The following LRP1B variants were observed in gnomAD, a reference collection of about 807,000 sequenced individuals.
LRP1B encodes LDL receptor related protein 1B.
In LRP1B, 217 loss-of-function variants were observed where a neutral mutation model predicts 556.6. The ratio of observed to expected loss-of-function variants is 0.39; its 90% CI spans 0.35 to 0.44. LRP1B has a LOEUF of 0.44. LRP1B is among the 20% of genes least tolerant of loss of function. The pLI, the probability that LRP1B is intolerant of heterozygous loss-of-function variation, is 1.00. For synonymous variants in LRP1B, 2,047 were observed against 1,865.8 expected, an observed-to-expected ratio of 1.10 and a Z score of -2.50; for missense variants, 5,053 against 5,620.8, an observed-to-expected ratio of 0.90 and a Z score of 3.23.
At position 140,624,267 on chromosome 2, in the gene LRP1B, C is replaced by T. The variant is rs1340901878; in HGVS notation, c.6800-22628G>A. ...TCACAAGGCAAACAGACTGTATATA[C>T]CATGCAAACTTTAGTTCTGAAATCT... On this transcript the variant is annotated intron_variant, in intron 41 of 90. Coordinates refer to ENST00000389484, the MANE Select transcript of LRP1B (RefSeq NM_018557.3). Among the ~76,000 whole-genome samples the T allele has an allele frequency of 3.3e-5, 5 of 152,098 alleles. No individual in the cohort carries two copies. In the East Asian group the frequency reaches 9.7e-4, roughly 29 times the overall value.
intron 1 of LRP1B, among the ~76,000 whole-genome samples, chr2:142,056,379 T>C (rs1413487443): frequency 6.6e-6 from 1 of 152,052 alleles, no homozygotes; most frequent in African/African-American, 2.4e-5. Flanking sequence ...GAGAAAACAA[T>C]TCTGTCCTAA....
chr2:142,114,346 A>G (rs537882264), intron 1 of LRP1B, among the ~76,000 whole-genome samples: 12 of 152,266 alleles, frequency 7.9e-5, no homozygotes, highest in African/African-American at 2.9e-4. Flanking sequence ...TAGTCAGCAT[A>G]TAATCAATTA....
rs536809394 is a variant in LRP1B at position 141,981,904 on chromosome 2, T to C, written c.82+148744A>G. 7.2e-4 allele frequency among the ~76,000 whole-genome samples: 109 copies of C among 152,210 alleles called. 1 individual carries two copies. The highest frequency in any genetic ancestry group is 1.7e-3 in the South Asian group (8 of 4,822). On this transcript the variant is annotated intron_variant, in intron 1 of 90. Coordinates refer to ENST00000389484, the MANE Select transcript of LRP1B (RefSeq NM_018557.3). ...TTCTGTTTGCTGGGTATCTCCACCT[T>C]CATCCCAGGAGACAATGAAAGTCAT...
intron 19 of LRP1B, among the ~76,000 whole-genome samples, chr2:140,951,467 A>T (rs553769955): frequency 3.3e-4 from 50 of 152,294 alleles, no homozygotes; most frequent in African/African-American, 1.2e-3. Flanking sequence ...TGAACATAAG[A>T]GGAAACTGAC....
At chr2:140,689,027 A>G (rs1006782987) in intron 41 of LRP1B, among the ~76,000 whole-genome samples, 2 of 152,254 alleles carry the variant, frequency 1.3e-5, no homozygotes, top group African/African-American at 4.8e-5. Flanking sequence ...GTTAATTGAT[A>G]TCATCTAATC....
At chr2:141,682,724 T>G (rs191206078) in intron 2 of LRP1B, among the ~76,000 whole-genome samples, 1 of 152,294 alleles carries the variant, frequency 6.6e-6, no homozygotes, top group Admixed American at 6.5e-5. Context: ...GTTGATTGGA[T>G]AACATATTTA....
chr2:141,379,920 G>A (rs1029676518), intron 3 of LRP1B, among the ~76,000 whole-genome samples: 4 of 152,140 alleles, frequency 2.6e-5, no homozygotes, highest in Non-Finnish European at 4.4e-5. Context: ...ACTGCCTAAA[G>A]GTCTGCCTAA....
At chr2:141,230,940 C>G (rs967632591) in intron 5 of LRP1B, among the ~76,000 whole-genome samples, 4 of 152,050 alleles carry the variant, frequency 2.6e-5, no homozygotes, top group African/African-American at 9.7e-5. Flanking sequence ...TCTCTAGCAT[C>G]TAGAGAAAAA....
intron 27 of LRP1B, among the ~76,000 whole-genome samples, chr2:140,863,983 C>G (rs1445432867): frequency 6.6e-6 from 1 of 151,570 alleles, no homozygotes; most frequent in East Asian, 2.0e-4. Context: ...CATTTAATGT[C>G]TTCTGCTTGC....
intron 25 of LRP1B, among the ~76,000 whole-genome samples, chr2:140,870,164 C>T (rs969553144): frequency 1.1e-4 from 16 of 152,292 alleles, no homozygotes; most frequent in African/African-American, 3.8e-4. Context: ...CTCATCACCA[C>T]ACCCAGACAG....
chr2:141,919,069 T>C (rs1428761796), intron 1 of LRP1B, among the ~76,000 whole-genome samples: 2 of 152,108 alleles, frequency 1.3e-5, no homozygotes, highest in Admixed American at 1.3e-4. Context: ...TTTAAAAAGA[T>C]AAGTCAAAAG....
rs78056689 is a variant in LRP1B at position 141,622,336 on chromosome 2, T to C, written c.206-141803A>G. On this transcript the variant is annotated intron_variant, in intron 2 of 90. Coordinates refer to ENST00000389484, the MANE Select transcript of LRP1B (RefSeq NM_018557.3). ...TATGAATATCACAGCATGCTTCCAA[T>C]TTTTAAATTTCTTTATAGACCTTAG... 4.5e-3 allele frequency among the ~76,000 whole-genome samples: 681 copies of C among 152,364 alleles called. 7 individuals carry two copies. The highest frequency in any genetic ancestry group is 0.015 in the African/African-American group (615 of 41,592).
chr2:140,868,046 T>C (rs1693006601), intron 26 of LRP1B, 53 bp downstream of exon 26: 1 of 1,525,304 alleles, frequency 6.6e-7, no homozygotes, highest in Non-Finnish European at 8.8e-7. Flanking sequence ...TCCAATGTTG[T>C]AAATATTATC....
intron 25 of LRP1B, among the ~76,000 whole-genome samples, chr2:140,874,517 T>G (rs1421868867): frequency 1.3e-5 from 2 of 152,212 alleles, no homozygotes; most frequent in African/African-American, 4.8e-5. Context: ...TCTTTTCTTT[T>G]GCCTTTGGTA....
chr2:140,259,376 T>C (rs1257788516), intron 86 of LRP1B, among the ~76,000 whole-genome samples: 1 of 152,116 alleles, frequency 6.6e-6, no homozygotes, highest in African/African-American at 2.4e-5. Flanking sequence ...TGTCTAGTTC[T>C]TGACTTACAG....
At chr2:140,644,307 G>A (rs1216447167) in intron 41 of LRP1B, among the ~76,000 whole-genome samples, 1 of 151,746 alleles carries the variant, frequency 6.6e-6, no homozygotes, top group African/African-American at 2.4e-5. Context: ...AGATACAAGA[G>A]TATCAAAATT....
chr2:141,438,388 G>A (rs1176490857), intron 3 of LRP1B, among the ~76,000 whole-genome samples: 2 of 152,064 alleles, frequency 1.3e-5, no homozygotes, highest in Non-Finnish European at 2.9e-5. Flanking sequence ...TGAATACCTG[G>A]AAAATTCTAA....
At chr2:141,258,772 C>T (rs920255168) in intron 3 of LRP1B, among the ~76,000 whole-genome samples, 1 of 151,638 alleles carries the variant, frequency 6.6e-6, no homozygotes, top group Non-Finnish European at 1.5e-5. Context: ...TAGAACTTGC[C>T]CCTTCACTCT....
At chr2:141,877,371 A>G (rs1698803960) in intron 1 of LRP1B, among the ~76,000 whole-genome samples, 2 of 151,976 alleles carry the variant, frequency 1.3e-5, no homozygotes, top group Admixed American at 1.3e-4. Context: ...CCATGACTGC[A>G]TCTATAATAG....
Sources: gnomAD v4.1 joint callset for allele counts (sites outside exome capture counted in the v4.1 genomes callset) on GRCh38, gnomAD v4.1.1 for gene constraint, MANE v1.5 for transcripts, NCBI Gene and HGNC (gene_info 2026-07-23, HGNC 2026-07-21) for gene names.